FRMPD4: variants seen among roughly 807,000 people sequenced by gnomAD.
The protein encoded by FRMPD4 is FERM and PDZ domain containing 4, also known as FERM and PDZ domain-containing protein 4.
Under a neutral mutation model 94.1 loss-of-function variants are expected in FRMPD4, and 22 were observed. The observed-to-expected ratio is 0.23, with a 90% CI of 0.17 to 0.33. The LOEUF (loss-of-function observed/expected upper bound fraction) is 0.33, where lower values mean the gene tolerates loss of function less well. Among genes scored for constraint, FRMPD4 ranks in the 10% least tolerant of loss-of-function variants. The pLI, the probability that FRMPD4 is intolerant of heterozygous loss-of-function variation, is 1.00. For missense variants in FRMPD4, 1,111 were observed against 1,339.9 expected, an observed-to-expected ratio of 0.83 and a Z score of 2.67; for synonymous variants, 631 against 548.6, an observed-to-expected ratio of 1.15 and a Z score of -2.10.
At chrX:12,638,795 T>C (rs1346646263) in intron 4 of FRMPD4, among the ~76,000 whole-genome samples, 2 of 111,576 alleles carry the variant, frequency 1.8e-5, no homozygotes, top group African/African-American at 6.5e-5. Flanking sequence ...AGCAGCTACC[T>C]AACTCTGTTC....
intron 3 of FRMPD4, among the ~76,000 whole-genome samples, chrX:12,086,246 G>C (rs1015205344): frequency 1.8e-5 from 2 of 111,504 alleles, no homozygotes. Context: ...TTCTTCTTGT[G>C]GGTATACAAA....
intron 2 of FRMPD4, among the ~76,000 whole-genome samples, chrX:12,557,988 C>T (rs1341765968): frequency 8.9e-6 from 1 of 112,377 alleles, no homozygotes; most frequent in Non-Finnish European, 1.9e-5. Context: ...ACAACAGATT[C>T]AGAGAGATGA....
intron 1 of FRMPD4, among the ~76,000 whole-genome samples, chrX:12,166,523 G>T (rs1381083180): frequency 1.8e-5 from 2 of 110,972 alleles, no homozygotes; most frequent in African/African-American, 6.6e-5. Flanking sequence ...TTTTTTTGTT[G>T]TGTCTCTGCC....
At chrX:12,472,471 G>A (rs189499160) in intron 1 of FRMPD4, among the ~76,000 whole-genome samples, 354 of 112,231 alleles carry the variant, frequency 3.2e-3, no homozygotes, top group Middle Eastern at 4.6e-3. Flanking sequence ...CTCTGGTCAT[G>A]GAGCAGAGAT....
At chrX:12,389,380 C>G (rs766577756) in intron 1 of FRMPD4, among the ~76,000 whole-genome samples, 5 of 108,368 alleles carry the variant, frequency 4.6e-5, no homozygotes, top group African/African-American at 1.7e-4. Flanking sequence ...GAGGCTGTGG[C>G]AGGAGAATCA....
chrX:12,338,701 G>T (rs1440799050), intron 1 of FRMPD4, among the ~76,000 whole-genome samples: 1 of 112,643 alleles, frequency 8.9e-6, no homozygotes, highest in Non-Finnish European at 1.9e-5. Context: ...AGGAGCTTTG[G>T]CCAAACAGTT....
intron 3 of FRMPD4, among the ~76,000 whole-genome samples, chrX:11,894,015 T>C (rs1193504457): frequency 1.8e-5 from 2 of 111,822 alleles, no homozygotes; most frequent in Non-Finnish European, 3.8e-5. Flanking sequence ...CATGACCTAA[T>C]CAGCTTAAAG....
intron 3 of FRMPD4, among the ~76,000 whole-genome samples, chrX:12,075,956 A>T: frequency 8.9e-6 from 1 of 112,088 alleles, no homozygotes; most frequent in East Asian, 2.8e-4. Flanking sequence ...ATCTCAGAAA[A>T]TTATTCTATG....
chrX:12,477,803 A>G (rs994447055), intron 1 of FRMPD4, among the ~76,000 whole-genome samples: 5 of 112,949 alleles, frequency 4.4e-5, no homozygotes, highest in Non-Finnish European at 9.4e-5. Flanking sequence ...AGCTATCTAC[A>G]AAATATTTTT....
At position 12,039,363 on chromosome X, in the gene FRMPD4, T is replaced by C. The variant is rs148632192; in HGVS notation, c.95+161345T>C. On this transcript the variant is annotated intron_variant, in intron 3 of 18. Coordinates refer to the FRMPD4 transcript ENST00000640291. The stretch of plus-strand genomic sequence containing the variant: ...AAACTTATTATTGGTTTGAGATTTT[T>C]ATTTTTTTAATATAGATCTTTAGAG... Among the ~76,000 whole-genome samples, 607 of 110,189 alleles carry C rather than the reference T, an allele frequency of 5.5e-3. 3 individuals carry two copies. The highest frequency in any genetic ancestry group is 0.019 in the African/African-American group (585 of 30,370).
intron 2 of FRMPD4, among the ~76,000 whole-genome samples, chrX:12,580,209 C>T (rs1017478842): frequency 2.7e-5 from 3 of 112,002 alleles, no homozygotes; most frequent in African/African-American, 9.7e-5. Context: ...GGCCCCATGT[C>T]CAGTGGCTAA....
chrX:12,107,854 A>G (rs1413811369), intron 3 of FRMPD4, among the ~76,000 whole-genome samples: 2 of 111,824 alleles, frequency 1.8e-5, no homozygotes, highest in Non-Finnish European at 3.8e-5. Flanking sequence ...AAATGAAGCA[A>G]GAAGAGAAGT....
chrX:12,036,592 G>A (rs2147438325), intron 3 of FRMPD4, among the ~76,000 whole-genome samples: 1 of 111,302 alleles, frequency 9.0e-6, no homozygotes. Context: ...CTTTGAGTTT[G>A]CTTCATTATT....
chrX:12,419,725 C>G (rs1158820111), intron 1 of FRMPD4, among the ~76,000 whole-genome samples: 2 of 111,586 alleles, frequency 1.8e-5, no homozygotes, highest in Non-Finnish European at 3.8e-5. Flanking sequence ...CAAGTCCTTA[C>G]TAGACTTCTG....
chrX:12,454,714 T>C (rs927416549), intron 1 of FRMPD4, among the ~76,000 whole-genome samples: 7 of 110,878 alleles, frequency 6.3e-5, no homozygotes, highest in African/African-American at 2.0e-4. Flanking sequence ...TATCCATCAC[T>C]GTGAGCTGAT....
chrX:12,454,556 A>G (rs986590496), intron 1 of FRMPD4, among the ~76,000 whole-genome samples: 6 of 109,893 alleles, frequency 5.5e-5, no homozygotes, highest in African/African-American at 2.0e-4. Flanking sequence ...GCAAAGGAAA[A>G]TGATGTTTTG....
intron 5 of FRMPD4, among the ~76,000 whole-genome samples, chrX:12,679,316 T>A (rs2059939068): frequency 9.0e-6 from 1 of 111,579 alleles, no homozygotes; most frequent in African/African-American, 3.3e-5. Flanking sequence ...AAGTTTTTTT[T>A]ATACTCACAG....
chrX:12,542,642 C>T (rs1163621695), intron 2 of FRMPD4, among the ~76,000 whole-genome samples: 5 of 111,685 alleles, frequency 4.5e-5, no homozygotes, highest in African/African-American at 6.5e-5. Context: ...GAATCAATAT[C>T]ATGAAAATGG....
intron 3 of FRMPD4, among the ~76,000 whole-genome samples, chrX:12,123,522 C>T (rs1296040826): frequency 8.9e-6 from 1 of 111,747 alleles, no homozygotes; most frequent in East Asian, 2.8e-4. Flanking sequence ...AAAGGAAGAA[C>T]TACATTTTCG....
Sources: gnomAD v4.1 joint callset for allele counts (sites outside exome capture counted in the v4.1 genomes callset) on GRCh38, gnomAD v4.1.1 for gene constraint, MANE v1.5 for transcripts, NCBI Gene and HGNC (gene_info 2026-07-23, HGNC 2026-07-21) for gene names.